SLCO3A1: variants seen among roughly 807,000 people sequenced by gnomAD.
SLCO3A1 encodes the protein solute carrier organic anion transporter family member 3A1, also known as PGE1 transporter.
SLCO3A1 carries 27 observed loss-of-function variants against 63.1 expected under a neutral mutation model. That is an observed-to-expected ratio of 0.43 (90% CI 0.32 to 0.59). The LOEUF is 0.59. Among genes scored for constraint, SLCO3A1 ranks in the 20% least tolerant of loss-of-function variants. The pLI, the probability that SLCO3A1 is intolerant of heterozygous loss-of-function variation, is 0.09. For missense variants in SLCO3A1, 773 were observed against 945.8 expected (o/e 0.82, Z 2.40); for synonymous variants, 473 against 409.9 (o/e 1.15, Z -1.86).
At position 92,028,948 on chromosome 15, in the gene SLCO3A1, TAC is replaced by T. The variant is rs2046611992; in HGVS notation, c.647-65931_647-65930del. ...GTGTGTGTGTGTGTGTGTGTGTACG[TAC>T]ATGAGAAAACCCCTGACCCATGGTC... On this transcript the variant is annotated intron_variant, in intron 2 of 9. Coordinates refer to ENST00000318445, the MANE Select transcript of SLCO3A1 (RefSeq NM_013272.4). Among the ~76,000 whole-genome samples, 11 of 151,432 alleles carry T rather than the reference TAC, an allele frequency of 7.3e-5. 1 individual carries two copies. In the South Asian group the frequency reaches 2.3e-3, roughly 32 times the overall value.
intron 2 of SLCO3A1, among the ~76,000 whole-genome samples, chr15:92,028,265 G>A (rs2046600770): frequency 6.6e-6 from 1 of 152,062 alleles, no homozygotes. Context: ...CCCAGCCAGG[G>A]GATGGTTGAG....
chr15:92,142,185 C>T (rs1039818661), intron 7 of SLCO3A1, among the ~76,000 whole-genome samples: 5 of 152,200 alleles, frequency 3.3e-5, no homozygotes, highest in South Asian at 2.1e-4. Flanking sequence ...GGTCTTGTGC[C>T]GGTCTCTGGC....
intron 2 of SLCO3A1, among the ~76,000 whole-genome samples, chr15:92,057,493 G>T (rs116359662): frequency 0.011 from 1,730 of 152,322 alleles, 37 homozygotes; most frequent in African/African-American, 0.039. Context: ...CATGGAGAGG[G>T]TCCCAGGGAC....
chr15:92,077,126 C>T (rs1007261253), intron 2 of SLCO3A1, among the ~76,000 whole-genome samples: 2 of 152,090 alleles, frequency 1.3e-5, no homozygotes, highest in Admixed American at 6.5e-5. Context: ...AACTCCCTAT[C>T]GTGAGAACAG....
At chr15:92,108,786 C>A (rs1021735339) in intron 4 of SLCO3A1, among the ~76,000 whole-genome samples, 1 of 152,108 alleles carries the variant, frequency 6.6e-6, no homozygotes, top group Non-Finnish European at 1.5e-5. Context: ...TCCTTCAGTT[C>A]ACTTCTGGGC....
chr15:91,925,361 C>CT (rs1898975487), intron 2 of SLCO3A1, among the ~76,000 whole-genome samples: 1 of 152,066 alleles, frequency 6.6e-6, no homozygotes, highest in African/African-American at 2.4e-5. Flanking sequence ...GGTTCATGGT[C>CT]TTCCTCCTTA....
chr15:91,921,267 C>G (rs904124979), intron 2 of SLCO3A1, among the ~76,000 whole-genome samples: 1 of 152,180 alleles, frequency 6.6e-6, no homozygotes, highest in East Asian at 1.9e-4. Context: ...CTTACAAGGT[C>G]GCCAGTCACA....
chr15:92,045,933 C>G (rs143396629), intron 2 of SLCO3A1, among the ~76,000 whole-genome samples: 38 of 152,292 alleles, frequency 2.5e-4, no homozygotes, highest in African/African-American at 8.2e-4. Flanking sequence ...TGGCATCGCT[C>G]TGTCCTCTCG....
chr15:92,044,522 A>C (rs1370234931), intron 2 of SLCO3A1, among the ~76,000 whole-genome samples: 10 of 152,016 alleles, frequency 6.6e-5, no homozygotes, highest in Non-Finnish European at 1.0e-4. Context: ...AGTGGACAGG[A>C]AGTCTTCCTA....
At position 92,066,769 on chromosome 15, in the gene SLCO3A1, C is replaced by T. The variant is rs146206270; in HGVS notation, c.647-28112C>T. Among the ~76,000 whole-genome samples the T allele has an allele frequency of 1.8e-4, 28 of 152,296 alleles. No individual in the cohort carries two copies. In the East Asian group the frequency reaches 3.7e-3, roughly 20 times the overall value. On this transcript the variant is annotated intron_variant, in intron 2 of 9. Transcript: ENST00000318445. Reference sequence around the variant, plus strand: ...TGCCGGGTGCCCTGTCAAGGTTGGCCGTTGTCATCAGTGTCACCATCACTG... The same window carrying T: ...TGCCGGGTGCCCTGTCAAGGTTGGCTGTTGTCATCAGTGTCACCATCACTG...
intron 2 of SLCO3A1, among the ~76,000 whole-genome samples, chr15:92,079,954 T>C (rs2047322648): frequency 6.6e-6 from 1 of 152,246 alleles, no homozygotes; most frequent in Admixed American, 6.5e-5. Context: ...ACACACAGAA[T>C]GCGGGCCCTT....
chr15:91,861,950 T>G (rs2141839350), intron 1 of SLCO3A1, among the ~76,000 whole-genome samples: 1 of 150,934 alleles, frequency 6.6e-6, no homozygotes, highest in African/African-American at 2.4e-5. Flanking sequence ...AAGCCCTACT[T>G]TTTTCAGTGG....
At chr15:91,995,748 A>C (rs552958423) in intron 2 of SLCO3A1, among the ~76,000 whole-genome samples, 4 of 152,008 alleles carry the variant, frequency 2.6e-5, no homozygotes, top group East Asian at 3.9e-4. Flanking sequence ...AAAAAAAAAA[A>C]AAAACTTGTA....
At chr15:92,068,562 A>T (rs1484082491) in intron 2 of SLCO3A1, among the ~76,000 whole-genome samples, 1 of 152,180 alleles carries the variant, frequency 6.6e-6, no homozygotes, top group Non-Finnish European at 1.5e-5. Context: ...TTTCTAGAGA[A>T]ATTTTTAAAA....
chr15:91,916,972 G>C lies in SLCO3A1; in HGVS notation c.646+514G>C, dbSNP rs56040702. Among the ~76,000 whole-genome samples the C allele has an allele frequency of 0.089, 13,490 of 152,164 alleles. 693 individuals are homozygous for C. The highest frequency in any genetic ancestry group is 0.11 in the Non-Finnish European group (7,259 of 68,000). On this transcript the variant is annotated intron_variant, in intron 2 of 9. Coordinates refer to ENST00000318445, the MANE Select transcript of SLCO3A1 (RefSeq NM_013272.4). This position sits in a 1 kb window ranked among gnomAD's most constrained non-coding sequence, Gnocchi z 6.2. ...ATAATGGAAGTATGCATGGGAATTG[G>C]GTATGTAGAGAGAAATAAGGTATTT...
intron 2 of SLCO3A1, among the ~76,000 whole-genome samples, chr15:92,030,406 G>A (rs2046631966): frequency 6.6e-6 from 1 of 152,174 alleles, no homozygotes; most frequent in South Asian, 2.1e-4. Flanking sequence ...AAGGATGGTG[G>A]TGGTGGGCTG....
intron 2 of SLCO3A1, among the ~76,000 whole-genome samples, chr15:91,926,805 T>G (rs1284079367): frequency 6.6e-6 from 1 of 152,112 alleles, no homozygotes; most frequent in Non-Finnish European, 1.5e-5. Context: ...GTCGGGGCCA[T>G]AACCTTTTCG....
intron 2 of SLCO3A1, among the ~76,000 whole-genome samples, chr15:91,949,241 A>C (rs996230802): frequency 6.6e-6 from 1 of 152,116 alleles, no homozygotes; most frequent in African/African-American, 2.4e-5. Context: ...CAGACTGTCT[A>C]CCTGGGTTCA....
At chr15:91,861,085 G>C (rs1197695754) in intron 1 of SLCO3A1, among the ~76,000 whole-genome samples, 1 of 152,184 alleles carries the variant, frequency 6.6e-6, no homozygotes, top group Non-Finnish European at 1.5e-5. Flanking sequence ...TGAATCAGGT[G>C]GCAGTGTATG....
Sources: allele counts gnomAD v4.1 joint callset (sites outside exome capture counted in the v4.1 genomes callset), GRCh38; gene constraint gnomAD v4.1.1; non-coding constraint Gnocchi (gnomAD v3.1); transcripts MANE v1.5; gene names NCBI Gene and HGNC (gene_info 2026-07-23, HGNC 2026-07-21).